The following MMS22L variants were observed in gnomAD, a reference collection of about 807,000 sequenced individuals.
MMS22L encodes the protein protein MMS22-like.
A neutral mutation model predicts 159.1 loss-of-function variants in MMS22L; 74 were observed. That is an observed-to-expected ratio of 0.47 (90% CI 0.39 to 0.56). The LOEUF is 0.56. MMS22L is among the 20% of genes least tolerant of loss of function. The pLI is 0.00. For synonymous variants in MMS22L, 517 were observed against 506.9 expected, an observed-to-expected ratio of 1.02 and a Z score of -0.27; for missense variants, 1,351 against 1,422.1, an observed-to-expected ratio of 0.95 and a Z score of 0.80.
intron 8 of MMS22L, chr6:97,264,823 G>C (rs1412452536): frequency 6.6e-6 from 1 of 151,706 alleles, no homozygotes; most frequent in Non-Finnish European, 1.5e-5. Context: ...AAAATACTTA[G>C]GGATAAATTT....
rs985779444 is a variant in MMS22L at position 97,144,135 on chromosome 6, G to C, written c.*2671C>G. On this transcript the variant is annotated 3_prime_UTR_variant, in exon 25 of 25. Transcript: ENST00000683635. The stretch of plus-strand genomic sequence containing the variant: ...AAAAAAAAAAAAAAAAAAAGAGAGA[G>C]AAAAGCTGGAGTTATCAGTTCACCA... 1.7e-4 allele frequency: 23 copies of C among 131,986 alleles called. No individual in the cohort carries two copies. Among genetic ancestry groups the C allele is most frequent in the African/African-American group, 6.6e-4 (23 of 34,972 alleles). The allele number at this position is 131,986 out of a possible 1,614,324, so 8.2% of individuals were successfully genotyped here.
chr6:97,162,533 T>C (rs1160075082), intron 21 of MMS22L, among the ~76,000 whole-genome samples: 1 of 151,950 alleles, frequency 6.6e-6, no homozygotes, highest in Admixed American at 6.6e-5. Context: ...GCCGCAACAT[T>C]TTCTCTAATG....
chr6:97,186,891 T>G (rs1379833983), intron 14 of MMS22L, among the ~76,000 whole-genome samples: 1 of 152,208 alleles, frequency 6.6e-6, no homozygotes, highest in Non-Finnish European at 1.5e-5. Flanking sequence ...TAATGTTAAC[T>G]ACTAATGTCA....
chr6:97,154,794 A>G (rs537189983), intron 22 of MMS22L, among the ~76,000 whole-genome samples: 1 of 152,282 alleles, frequency 6.6e-6, no homozygotes, highest in East Asian at 1.9e-4. Context: ...TGAACGCTTA[A>G]TTCTATTCTA....
In MMS22L at chr6:97,152,233, G is replaced by T. The variant is rs569129522; in HGVS notation, c.3386-366C>A. Among the ~76,000 whole-genome samples, 87 of 152,048 alleles carry T rather than the reference G, an allele frequency of 5.7e-4. 1 individual carries two copies. Among genetic ancestry groups the T allele is most frequent in the Admixed American group, 2.8e-3 (43 of 15,238 alleles). The stretch of plus-strand genomic sequence containing the variant: ...CAGCTGATTTACAGACAGGCAGATT[G>T]ATTTTTTAAAAATTCATAAGCATAT... On this transcript the variant is annotated intron_variant, in intron 22 of 24. Coordinates refer to ENST00000683635, the MANE Select transcript of MMS22L (RefSeq NM_001350599.2).
At chr6:97,154,793 AATTCT>A (rs1801662986) in intron 22 of MMS22L, among the ~76,000 whole-genome samples, 1 of 152,188 alleles carries the variant, frequency 6.6e-6, no homozygotes. Context: ...CTGAACGCTT[AATTCT>A]ATTCTATTGA....
At chr6:97,272,337 T>C (rs188347087) in intron 6 of MMS22L, 4 of 158,652 alleles carry the variant, frequency 2.5e-5, no homozygotes, top group Non-Finnish European at 4.1e-5. Context: ...CTGTAATATA[T>C]GATAAAAATT....
At chr6:97,191,872 C>A (rs1231356590) in intron 14 of MMS22L, among the ~76,000 whole-genome samples, 3 of 151,970 alleles carry the variant, frequency 2.0e-5, no homozygotes, top group Non-Finnish European at 4.4e-5. Flanking sequence ...ACAAAAAATC[C>A]CTGAAATTTA....
chr6:97,279,266 G>C (rs1352778302), intron 3 of MMS22L, among the ~76,000 whole-genome samples: 1 of 150,088 alleles, frequency 6.7e-6, no homozygotes, highest in Non-Finnish European at 1.5e-5. Context: ...GGCGGATTAC[G>C]AGGTCAGGAG....
chr6:97,257,208 T>C (rs1454025218), intron 9 of MMS22L, among the ~76,000 whole-genome samples: 1 of 152,230 alleles, frequency 6.6e-6, no homozygotes, highest in Non-Finnish European at 1.5e-5. Flanking sequence ...ACATCCTCTC[T>C]ATTCTTAATG....
intron 14 of MMS22L, among the ~76,000 whole-genome samples, chr6:97,211,000 C>T (rs1384140482): frequency 6.6e-6 from 1 of 151,934 alleles, no homozygotes; most frequent in Admixed American, 6.6e-5. Context: ...CATTAAATGG[C>T]ATGATAGTAT....
rs955034293 is a variant in MMS22L at position 97,213,558 on chromosome 6, T to C, written c.2039+15336A>G. On this transcript the variant is annotated intron_variant, in intron 14 of 24. Coordinates refer to ENST00000683635, the MANE Select transcript of MMS22L (RefSeq NM_001350599.2). The stretch of plus-strand genomic sequence containing the variant: ...AAAATATTCTCCAAAGTGTTCATAG[T>C]GGCTCCCTTTGCAGACGAAGGGTAG... Among the ~76,000 whole-genome samples, 12 of 152,216 alleles carry C rather than the reference T, an allele frequency of 7.9e-5. 1 individual carries two copies. Among genetic ancestry groups the C allele is most frequent in the Non-Finnish European group, 1.5e-4 (10 of 68,038 alleles).
chr6:97,270,949 G>A (rs567013250), intron 6 of MMS22L: 103 of 151,830 alleles, frequency 6.8e-4, no homozygotes, highest in African/African-American at 1.8e-3. Context: ...AACAAAAAAC[G>A]GAAAAATATA....
intron 9 of MMS22L, chr6:97,259,402 A>C (rs550193575): frequency 1.2e-3 from 183 of 152,312 alleles, no homozygotes; most frequent in African/African-American, 4.3e-3. Flanking sequence ...GAGTAAAGAG[A>C]TGGCCCTCTC....
intron 14 of MMS22L, 53 bp from the exon 15 acceptor site, chr6:97,186,743 C>A: frequency 2.3e-6 from 3 of 1,300,742 alleles, no homozygotes; most frequent in Non-Finnish European, 2.0e-6. Flanking sequence ...TTACAAAAAT[C>A]TTCTTAAAGT....
At chr6:97,151,895 A>G in intron 22 of MMS22L, 28 bp from the exon 23 acceptor site, 1 of 1,563,696 alleles carries the variant, frequency 6.4e-7, no homozygotes, top group Non-Finnish European at 8.8e-7. Context: ...AGCATTAGGC[A>G]CTGTGTCTGA....
intron 18 of MMS22L, among the ~76,000 whole-genome samples, chr6:97,175,729 G>A (rs1372048869): frequency 6.6e-6 from 1 of 152,138 alleles, no homozygotes; most frequent in Non-Finnish European, 1.5e-5. Context: ...GTATCGGGAA[G>A]CTCTCAAGAT....
chr6:97,230,748 G>C (rs939182521), intron 13 of MMS22L: 2 of 152,094 alleles, frequency 1.3e-5, no homozygotes, highest in African/African-American at 4.8e-5. Context: ...TAATAAAGAA[G>C]CTGGCATTTA....
At chr6:97,259,168 C>T (rs1408032854) in intron 9 of MMS22L, 1 of 152,130 alleles carries the variant, frequency 6.6e-6, no homozygotes, top group Non-Finnish European at 1.5e-5. Context: ...TAACATCATC[C>T]TATAGTTTTG....
Sources: gnomAD v4.1 joint callset for allele counts (sites outside exome capture counted in the v4.1 genomes callset) on GRCh38, gnomAD v4.1.1 for gene constraint, MANE v1.5 for transcripts, NCBI Gene and HGNC (gene_info 2026-07-23, HGNC 2026-07-21) for gene names.